The following AFAP1 variants were observed in gnomAD, a reference collection of about 807,000 sequenced individuals.
The protein encoded by AFAP1 is actin filament associated protein 1, also known as actin filament-associated protein 1.
AFAP1 carries 75 observed loss-of-function variants against 93.9 expected under a neutral mutation model. The ratio of observed to expected loss-of-function variants is 0.80; its 90% CI spans 0.66 to 0.97. The LOEUF (loss-of-function observed/expected upper bound fraction) is 0.97. Ranked by LOEUF, AFAP1 falls within the 50% of genes least tolerant of loss-of-function variation. AFAP1 has a pLI of 0.00. For missense variants in AFAP1, 1,201 were observed against 1,050.8 expected, an observed-to-expected ratio of 1.14 and a Z score of -1.98; for synonymous variants, 517 against 430.7, an observed-to-expected ratio of 1.20 and a Z score of -2.48.
chr4:7,845,769 CA>C (rs1713612217), intron 4 of AFAP1, among the ~76,000 whole-genome samples: 1 of 152,182 alleles, frequency 6.6e-6, no homozygotes, highest in Non-Finnish European at 1.5e-5. Flanking sequence ...AGGGCAGCCA[CA>C]GGGGGTTACT....
chr4:7,773,139 C>T (rs1002366342), intron 15 of AFAP1, 129 bp from the exon 16 acceptor site: 9 of 1,378,020 alleles, frequency 6.5e-6, no homozygotes, highest in South Asian at 3.0e-5. Context: ...CTTAGGTCCT[C>T]GTTGTGAAAC....
At position 7,855,463 on chromosome 4, in the gene AFAP1, C is replaced by A; in HGVS notation, c.334+3G>T. On this transcript the variant is annotated splice_donor_region_variant and intron_variant, in intron 4 of 17. Transcript: ENST00000420658. ...GCATGGCTGGGCAGGGCTGGCCACT[C>A]ACTTGATGTGATGTATTCCGGAGCT... 1 of 1,596,738 alleles carries A rather than the reference C, an allele frequency of 6.3e-7. No homozygotes were observed. Among genetic ancestry groups the A allele is most frequent in the Non-Finnish European group, 8.6e-7 (1 of 1,168,170 alleles).
Position 7,902,278 on chromosome 4 carries a change from G to C in AFAP1, c.-2-30198C>G, listed in dbSNP as rs577450684. On this transcript the variant is annotated intron_variant, in intron 1 of 17. Coordinates refer to ENST00000420658, the MANE Select transcript of AFAP1 (RefSeq NM_001134647.2). The stretch of plus-strand genomic sequence containing the variant: ...AAAAGCTATCAATGACCAAGCATCT[G>C]AACGCTTATCCCACCTCGCCATCTG... Among the ~76,000 whole-genome samples, 7 of 152,284 alleles carry C rather than the reference G, an allele frequency of 4.6e-5. No individual in the cohort carries two copies. The South Asian group carries it at 6.2e-4, about 14-fold the overall frequency.
rs991733027 is a variant in AFAP1, at chr4:7,782,794, G to GGAGT, written c.1531-1171_1531-1168dup. On this transcript the variant is annotated intron_variant, in intron 12 of 17. Coordinates refer to ENST00000420658, the MANE Select transcript of AFAP1 (RefSeq NM_001134647.2). ...AGAGAAGACTTAAAATTCTGCAGTA[G>GGAGT]GAGTGTCTGTATTCCTCCGCAATCA... 8.7e-4 allele frequency among the ~76,000 whole-genome samples: 132 copies of GGAGT among 152,304 alleles called. 1 individual carries two copies. Among genetic ancestry groups the GGAGT allele is most frequent in the African/African-American group, 3.0e-3 (124 of 41,562 alleles).
At chr4:7,825,454 C>G (rs918889846) in intron 6 of AFAP1, among the ~76,000 whole-genome samples, 4 of 152,108 alleles carry the variant, frequency 2.6e-5, no homozygotes, top group African/African-American at 9.7e-5. Context: ...TTAAAGACAT[C>G]AACTATTTGG....
chr4:7,809,711 G>C lies in AFAP1; in HGVS notation c.957C>G (p.Val319=), dbSNP rs1307243514. ...KSEAKGTVSK[V]TGKKITKIIS... is the part of the protein sequence containing the mutation. ...TGATCTTGGTGATTTTTTTCCCAGT[G>C]ACTTTCGACACAGTGCCCTTGGCCT... Residue 319 remains valine, a synonymous_variant, in exon 9 of 18, where the codon GTC becomes GTG. Transcript: ENST00000420658. 1 of 1,612,934 alleles carries C rather than the reference G, an allele frequency of 6.2e-7. No individual in the cohort carries two copies. Among genetic ancestry groups the C allele is most frequent in the East Asian group, 2.2e-5 (1 of 44,842 alleles).
intron 1 of AFAP1, among the ~76,000 whole-genome samples, chr4:7,920,408 A>G (rs1720376378): frequency 6.6e-6 from 1 of 152,234 alleles, no homozygotes; most frequent in South Asian, 2.1e-4. Context: ...CTTTTTGGAT[A>G]AAATTTGTAA....
At chr4:7,895,707 G>A (rs934930248) in intron 1 of AFAP1, among the ~76,000 whole-genome samples, 7 of 152,112 alleles carry the variant, frequency 4.6e-5, no homozygotes, top group African/African-American at 7.2e-5. Flanking sequence ...ATGACAGAGC[G>A]AGCTCTGCTC....
chr4:7,823,708 G>C (rs1031604395), intron 6 of AFAP1, among the ~76,000 whole-genome samples: 16 of 152,132 alleles, frequency 1.1e-4, no homozygotes, highest in Non-Finnish European at 1.9e-4. Flanking sequence ...TTAGAATGGG[G>C]AACACAGACA....
chr4:7,800,798 T>C, intron 9 of AFAP1, 145 bp from the exon 10 acceptor site: 2 of 828,842 alleles, frequency 2.4e-6, no homozygotes, highest in Middle Eastern at 3.5e-4. Flanking sequence ...TAAATGCAAA[T>C]TCGCATAAAC....
Position 7,869,066 on chromosome 4 carries a change from GAGAAA to G in AFAP1, c.128-352_128-348del, listed in dbSNP as rs754324372. Among the ~76,000 whole-genome samples, 49 of 119,444 alleles carry G rather than the reference GAGAAA, an allele frequency of 4.1e-4. 1 individual carries two copies. In the East Asian group the frequency reaches 9.9e-3, roughly 24 times the overall value. 78.4% of individuals were successfully genotyped at this position (119,444 alleles called of 152,430 possible). On this transcript the variant is annotated intron_variant, in intron 2 of 17. Coordinates refer to ENST00000420658, the MANE Select transcript of AFAP1 (RefSeq NM_001134647.2). ...AAGAAAAGAGAAAGAGAAAGGGAAA[GAGAAA>G]AGAAAAAAGAAAAGAGAAAGAAAAA... is the stretch of plus-strand genomic sequence containing the variant.
intron 8 of AFAP1, among the ~76,000 whole-genome samples, chr4:7,814,747 G>A (rs989402864): frequency 2.0e-5 from 3 of 152,230 alleles, no homozygotes; most frequent in African/African-American, 7.2e-5. Context: ...CAGGGCCTCG[G>A]GTAGAGGCAG....
At chr4:7,783,160 G>A (rs903215912) in intron 12 of AFAP1, among the ~76,000 whole-genome samples, 2 of 151,564 alleles carry the variant, frequency 1.3e-5, no homozygotes, top group Non-Finnish European at 2.9e-5. Flanking sequence ...TTTTTTTTGA[G>A]ATGGAGTCTT....
Position 7,816,902 on chromosome 4 carries a change from A to T in AFAP1, c.823-803T>A, listed in dbSNP as rs145441684. Among the ~76,000 whole-genome samples, 457 of 152,314 alleles carry T rather than the reference A, an allele frequency of 3.0e-3. 2 individuals are homozygous for T. The highest frequency in any genetic ancestry group is 0.012 in the South Asian group (56 of 4,826). ...ATCCCTTAAGAGCTGCAGTGAAGAA[A>T]CCAGTGCCACTTAGTGGGAAGCTGA... On this transcript the variant is annotated intron_variant, in intron 7 of 17. Coordinates refer to ENST00000420658, the MANE Select transcript of AFAP1 (RefSeq NM_001134647.2).
intron 4 of AFAP1, among the ~76,000 whole-genome samples, chr4:7,848,099 A>AAGGAAGGAAG (rs1713955569): frequency 8.6e-6 from 1 of 116,120 alleles, no homozygotes; most frequent in African/African-American, 4.0e-5. Flanking sequence ...AGGGAAGGAA[A>AAGGAAGGAAG]GAAGGAAGGA....
Position 7,892,028 on chromosome 4 carries a change from T to G in AFAP1, c.-2-19948A>C, listed in dbSNP as rs553742566. Among the ~76,000 whole-genome samples, 21 of 152,104 alleles carry G rather than the reference T, an allele frequency of 1.4e-4. No individual in the cohort carries two copies. The South Asian group carries it at 4.2e-3, about 30-fold the overall frequency. On this transcript the variant is annotated intron_variant, in intron 1 of 17. Transcript: ENST00000420658. ...AAGAAGGTGCCATTGCACTCCAGCC[T>G]GGGCAGCAAGAACAAAATTCCGACT...
intron 3 of AFAP1, among the ~76,000 whole-genome samples, chr4:7,859,877 A>C (rs781229289): frequency 4.6e-5 from 7 of 152,184 alleles, no homozygotes; most frequent in Non-Finnish European, 1.5e-5. Flanking sequence ...ATTCACAGAG[A>C]ATTCTCTTTC....
chr4:7,873,741 C>T (rs1164318117), intron 1 of AFAP1, among the ~76,000 whole-genome samples: 2 of 152,154 alleles, frequency 1.3e-5, no homozygotes, highest in African/African-American at 2.4e-5. Context: ...AGAGAAAAAT[C>T]ACTCTTGTGA....
At chr4:7,841,274 C>T (rs1712977016) in intron 5 of AFAP1, among the ~76,000 whole-genome samples, 1 of 147,812 alleles carries the variant, frequency 6.8e-6, no homozygotes, top group South Asian at 2.2e-4. Context: ...ATCACAGCTG[C>T]CCAGTGAGTC....
Sources: allele counts gnomAD v4.1 joint callset (sites outside exome capture counted in the v4.1 genomes callset), GRCh38; gene constraint gnomAD v4.1.1; transcripts MANE v1.5; gene names NCBI Gene and HGNC (gene_info 2026-07-23, HGNC 2026-07-21).